Variants in MSI2 observed in about 807,000 individuals in gnomAD.
MSI2 encodes the protein RNA-binding protein Musashi homolog 2.
In MSI2, 17 loss-of-function variants were observed where a neutral mutation model predicts 45.6. The ratio of observed to expected loss-of-function variants is 0.37; its 90% CI spans 0.26 to 0.56. MSI2 has a LOEUF of 0.56. Ranked by LOEUF, MSI2 falls within the 20% of genes least tolerant of loss-of-function variation. MSI2 has a pLI of 0.77. For missense variants in MSI2, 293 were observed against 444.2 expected (o/e 0.66, Z 3.06); for synonymous variants, 156 against 158.2 (o/e 0.99, Z 0.11).
intron 6 of MSI2, among the ~76,000 whole-genome samples, chr17:57,484,282 T>C (rs2085708102): frequency 6.6e-6 from 1 of 151,926 alleles, no homozygotes; most frequent in Non-Finnish European, 1.5e-5. Flanking sequence ...ACCCCTAGCA[T>C]CACCTTTAGG....
chr17:57,543,119 G>A (rs771471758), intron 7 of MSI2, among the ~76,000 whole-genome samples: 3 of 152,112 alleles, frequency 2.0e-5, no homozygotes, highest in Admixed American at 6.5e-5. Context: ...CTAACAAAAC[G>A]GAGGTGCAGG....
At chr17:57,309,217 T>G (rs1405730795) in intron 5 of MSI2, among the ~76,000 whole-genome samples, 1 of 152,250 alleles carries the variant, frequency 6.6e-6, no homozygotes, top group African/African-American at 2.4e-5. Context: ...TCTATTCTAC[T>G]GGGCTTAATC....
At chr17:57,257,709 C>G (rs1025637713) in intron 3 of MSI2, among the ~76,000 whole-genome samples, 162 bp downstream of exon 3, 4 of 152,048 alleles carry the variant, frequency 2.6e-5, no homozygotes, top group Admixed American at 1.3e-4. Context: ...CCTAGTAACC[C>G]CAGAGGTTAT....
At chr17:57,675,524 T>C (rs996359234) in intron 12 of MSI2, among the ~76,000 whole-genome samples, 1 of 152,190 alleles carries the variant, frequency 6.6e-6, no homozygotes, top group East Asian at 1.9e-4. Flanking sequence ...AGGGCCTCAG[T>C]AGTGGCCACC....
chr17:57,611,301 A>G lies in MSI2; in HGVS notation c.538-4669A>G, dbSNP rs1040221652. On this transcript the variant is annotated intron_variant, in intron 8 of 13. Transcript: ENST00000284073. ...CACATTTGTTTTGTTTTAGAGGACC[A>G]TGGGGAGCCAGGCAGGCCTGTGTGG... 1.5e-4 allele frequency among the ~76,000 whole-genome samples: 14 copies of G among 95,524 alleles called. 6 individuals carry two copies. The highest frequency in any genetic ancestry group is 4.6e-4 in the African/African-American group (14 of 30,648). 62.7% of individuals were successfully genotyped at this position (95,524 alleles called of 152,430 possible).
At chr17:57,343,444 C>T (rs1915337039) in intron 5 of MSI2, among the ~76,000 whole-genome samples, 1 of 152,126 alleles carries the variant, frequency 6.6e-6, no homozygotes, top group South Asian at 2.1e-4. Flanking sequence ...ACCCTCTTTG[C>T]TCAATCAGTT....
intron 6 of MSI2, among the ~76,000 whole-genome samples, chr17:57,518,430 T>C (rs138462837): frequency 2.0e-5 from 3 of 152,322 alleles, no homozygotes; most frequent in Non-Finnish European, 2.9e-5. Flanking sequence ...GATGTTTATT[T>C]CATGCCCATC....
chr17:57,410,901 G>A (rs2084183997), intron 6 of MSI2, among the ~76,000 whole-genome samples: 1 of 152,228 alleles, frequency 6.6e-6, no homozygotes, highest in Non-Finnish European at 1.5e-5. Context: ...GGAATGACAA[G>A]GGTATGGAAA....
chr17:57,424,759 G>T (rs2084460532), intron 6 of MSI2, among the ~76,000 whole-genome samples: 1 of 152,110 alleles, frequency 6.6e-6, no homozygotes, highest in South Asian at 2.1e-4. Context: ...TTCTCGGGGT[G>T]CCTGTGGCCT....
At chr17:57,461,309 A>G (rs936091062) in intron 6 of MSI2, among the ~76,000 whole-genome samples, 1 of 152,154 alleles carries the variant, frequency 6.6e-6, no homozygotes, top group Non-Finnish European at 1.5e-5. Context: ...AGTGGTAATT[A>G]GTCAACCCAA....
chr17:57,389,741 C>T (rs1019863819), intron 5 of MSI2, among the ~76,000 whole-genome samples: 4 of 152,162 alleles, frequency 2.6e-5, no homozygotes, highest in African/African-American at 9.7e-5. Context: ...CTTTTTTCAA[C>T]ACCTACTACG....
chr17:57,259,389 C>T (rs1907106683), intron 4 of MSI2, among the ~76,000 whole-genome samples: 1 of 152,196 alleles, frequency 6.6e-6, no homozygotes, highest in Non-Finnish European at 1.5e-5. Context: ...TCAATTTCCT[C>T]TTCTGTAAAA....
At chr17:57,335,909 C>G (rs1234505176) in intron 5 of MSI2, among the ~76,000 whole-genome samples, 1 of 152,142 alleles carries the variant, frequency 6.6e-6, no homozygotes, top group African/African-American at 2.4e-5. Flanking sequence ...GGAGCTGAGG[C>G]TGGACAGACA....
intron 3 of MSI2, 43 bp from the exon 4 acceptor site, chr17:57,258,227 C>A (rs376592595): frequency 5.7e-6 from 9 of 1,578,526 alleles, no homozygotes; most frequent in South Asian, 2.2e-5. Flanking sequence ...TCAATGGTGT[C>A]ACATTTTCTT....
chr17:57,354,584 G>A lies in MSI2; in HGVS notation c.313-46795G>A, dbSNP rs192068624. 7.9e-4 allele frequency among the ~76,000 whole-genome samples: 121 copies of A among 152,250 alleles called. No individual in the cohort carries two copies. In the Middle Eastern group the frequency reaches 0.01, roughly 13 times the overall value. On this transcript the variant is annotated intron_variant, in intron 5 of 13. Transcript: ENST00000284073. ...ATCTGAACTAAGGGAGGGAATGGTC[G>A]CCAGAACTTTAGGTGAGGCAGCAGC... is the stretch of plus-strand genomic sequence containing the variant.
At chr17:57,662,891 G>C (rs1912090811) in intron 11 of MSI2, among the ~76,000 whole-genome samples, 1 of 152,204 alleles carries the variant, frequency 6.6e-6, no homozygotes, top group African/African-American at 2.4e-5. Context: ...GAGGAGGCGT[G>C]GTCGTGTAAG....
At chr17:57,564,255 G>A (rs2087672273) in intron 7 of MSI2, among the ~76,000 whole-genome samples, 1 of 152,200 alleles carries the variant, frequency 6.6e-6, no homozygotes, top group Non-Finnish European at 1.5e-5. Context: ...CACTGGCCCA[G>A]GACAGCCCAG....
At chr17:57,487,603 G>A (rs2085781159) in intron 6 of MSI2, among the ~76,000 whole-genome samples, 1 of 152,012 alleles carries the variant, frequency 6.6e-6, no homozygotes, top group African/African-American at 2.4e-5. Context: ...CCTGGCAGCA[G>A]CCCTGTCATC....
intron 7 of MSI2, among the ~76,000 whole-genome samples, chr17:57,592,638 G>A (rs1904943638): frequency 6.6e-6 from 1 of 152,130 alleles, no homozygotes; most frequent in Non-Finnish European, 1.5e-5. Context: ...TGAAATCCGG[G>A]CTATCTCCTT....
Sources: allele counts gnomAD v4.1 joint callset (sites outside exome capture counted in the v4.1 genomes callset), GRCh38; gene constraint gnomAD v4.1.1; transcripts MANE v1.5; gene names NCBI Gene and HGNC (gene_info 2026-07-23, HGNC 2026-07-21).